The following LYAR variants were observed in gnomAD, a reference collection of about 807,000 sequenced individuals.
The protein encoded by LYAR is Ly1 antibody reactive.
Under a neutral mutation model 45.2 loss-of-function variants are expected in LYAR, and 37 were observed. The observed-to-expected ratio is 0.82, with a 90% CI of 0.63 to 1.08. The LOEUF (loss-of-function observed/expected upper bound fraction) is 1.08, where lower values mean the gene tolerates loss of function less well. Ranked by LOEUF, LYAR falls within the 50% of genes least tolerant of loss-of-function variation. The probability of loss-of-function intolerance (pLI) is 0.00; values close to 1 mark genes in which losing one functional copy is unlikely to be tolerated. For missense variants in LYAR, 493 were observed against 451.0 expected (o/e 1.09, Z -0.84); for synonymous variants, 176 against 155.1 (o/e 1.14, Z -1.00).
chr4:4,282,620 A>C (rs1719445007), intron 3 of LYAR, among the ~76,000 whole-genome samples: 1 of 152,258 alleles, frequency 6.6e-6, no homozygotes. Flanking sequence ...AGATGCAGCC[A>C]GAAGCCAGCT....
intron 6 of LYAR, among the ~76,000 whole-genome samples, chr4:4,276,473 G>A (rs962815750): frequency 2.0e-5 from 3 of 151,946 alleles, no homozygotes; most frequent in African/African-American, 7.3e-5. Context: ...AACCCGGAAG[G>A]TGGAGGTTGC....
intron 3 of LYAR, among the ~76,000 whole-genome samples, chr4:4,282,937 C>T (rs1191605923): frequency 1.3e-5 from 2 of 152,156 alleles, no homozygotes; most frequent in African/African-American, 4.8e-5. Context: ...GTCCATCTCT[C>T]CACTGTGATG....
At chr4:4,283,592 T>C (rs756465856) in intron 3 of LYAR, 29 bp downstream of exon 3, 2 of 1,597,800 alleles carry the variant, frequency 1.3e-6, no homozygotes, top group South Asian at 1.1e-5. Context: ...GGATTTACTA[T>C]GGATCTACAT....
chr4:4,273,895 A>T (rs1342366687), intron 7 of LYAR, among the ~76,000 whole-genome samples: 2 of 152,178 alleles, frequency 1.3e-5, no homozygotes, highest in African/African-American at 4.8e-5. Context: ...GGCAGGGCCC[A>T]CCTCTGCCTG....
chr4:4,268,248 C>T (rs1577208350), intron 9 of LYAR, among the ~76,000 whole-genome samples: 2 of 152,098 alleles, frequency 1.3e-5, no homozygotes, highest in Non-Finnish European at 2.9e-5. Flanking sequence ...GAAGAAACCA[C>T]TGCTCTGGGA....
At chr4:4,270,263 A>G (rs972411290) in intron 8 of LYAR, among the ~76,000 whole-genome samples, 1 of 40,052 alleles carries the variant, frequency 2.5e-5, no homozygotes, top group Non-Finnish European at 4.6e-5. Context: ...TAAAATGTTG[A>G]TTTGTAAAAA....
intron 8 of LYAR, among the ~76,000 whole-genome samples, chr4:4,271,190 A>G: frequency 6.6e-6 from 1 of 151,982 alleles, no homozygotes. Flanking sequence ...TCTGGTAACC[A>G]TCCTTTTACT....
rs747406735 is a variant in LYAR at position 4,267,933 on chromosome 4, G to C, written c.1096C>G (p.Pro366Ala). 6.2e-7 allele frequency: 1 copy of C among 1,612,936 alleles called. No homozygotes were observed. Among genetic ancestry groups the C allele is most frequent in the Non-Finnish European group, 8.5e-7 (1 of 1,179,546 alleles). ...TTGTCCTTTAATAACTTAAAGGTAG[G>C]GTTCTTGCTGATTTTCTTGTTAAAG... Reference protein sequence around the residue: ...VIFNKKISKNPTFKLLKDKVK... With the variant: ...VIFNKKISKNATFKLLKDKVK... The change falls in exon 10 of 10, where the codon CCT becomes GCT. Residue 366 changes from proline to alanine, a missense_variant. Physicochemically the swap from Pro to Ala is conservative, Grantham distance 27. Coordinates refer to ENST00000343470, the MANE Select transcript of LYAR (RefSeq NM_017816.3).
chr4:4,277,551 A>G (rs1719233211), intron 6 of LYAR, among the ~76,000 whole-genome samples: 1 of 152,114 alleles, frequency 6.6e-6, no homozygotes, highest in Admixed American at 6.5e-5. Context: ...TTTTTACCTC[A>G]TTACACACTC....
At chr4:4,279,316 A>T in intron 6 of LYAR, 131 bp downstream of exon 6, 1 of 652,270 alleles carries the variant, frequency 1.5e-6, no homozygotes. Flanking sequence ...TGGGCAACAG[A>T]GTAAGACTCC....
At chr4:4,277,694 C>G (rs1460107526) in intron 6 of LYAR, among the ~76,000 whole-genome samples, 2 of 152,194 alleles carry the variant, frequency 1.3e-5, no homozygotes, top group Admixed American at 6.5e-5. Context: ...TGGACCCGCA[C>G]GTGGTGCCTA....
intron 2 of LYAR, among the ~76,000 whole-genome samples, chr4:4,285,584 T>C (rs1719579245): frequency 6.6e-6 from 1 of 152,198 alleles, no homozygotes. Flanking sequence ...AAGAAATAGA[T>C]TGTCATCACA....
Position 4,290,149 on chromosome 4 carries a change from G to C in LYAR, c.-221C>G, listed in dbSNP as rs1003109179. 6.6e-6 allele frequency: 1 copy of C among 152,084 alleles called. No homozygotes were observed. The highest frequency in any genetic ancestry group is 1.5e-5 in the Non-Finnish European group (1 of 68,090). The allele number at this position is 152,084 out of a possible 1,614,324, so 9.4% of individuals were successfully genotyped here. A position where few individuals can be genotyped will look rare whatever the true frequency, so the allele number is the denominator to read the frequency against. On this transcript the variant is annotated 5_prime_UTR_variant, in exon 1 of 10. Coordinates refer to ENST00000343470, the MANE Select transcript of LYAR (RefSeq NM_017816.3). Reference sequence around the variant, plus strand: ...TCTCAGGCTTCGCGGTGCAGAATTCGCTTCTGAACCACCCAGCGCGCCTGC... The same window carrying C: ...TCTCAGGCTTCGCGGTGCAGAATTCCCTTCTGAACCACCCAGCGCGCCTGC...
Position 4,274,375 on chromosome 4 carries a change from T to C in LYAR, c.824A>G (p.His275Arg). The change falls in exon 7 of 10, where the codon CAC becomes CGC. Residue 275 changes from histidine to arginine, a missense_variant. Transcript: ENST00000343470. The part of the protein sequence containing the change: ...RVGAGKRKRR[H>R]SEVETDSKKK... ...GTGAGCTAGCCACTTACCTTCCGAG[T>C]GCCTCCGCTTCCTCTTCCCTGCGCC... 2 of 1,608,956 alleles carry C rather than the reference T, an allele frequency of 1.2e-6. No homozygotes were observed. Among genetic ancestry groups the C allele is most frequent in the South Asian group, 1.1e-5 (1 of 90,386 alleles).
rs1364355662 is a variant in LYAR at position 4,268,670 on chromosome 4, G to A, written c.920-55C>T. On this transcript the variant is annotated intron_variant, in intron 8 of 9. Coordinates refer to ENST00000343470, the MANE Select transcript of LYAR (RefSeq NM_017816.3). ...TTTCGTTTTGTTGTACTACGAGAAGGGTAAAGAAACAACTTCTGCAACACC... is the reference window on the plus strand; with the variant it reads ...TTTCGTTTTGTTGTACTACGAGAAGAGTAAAGAAACAACTTCTGCAACACC... The A allele has an allele frequency of 3.3e-6, 4 of 1,221,044 alleles. No homozygotes were observed. In the East Asian group the frequency reaches 7.3e-5, roughly 22 times the overall value. 75.6% of individuals were successfully genotyped at this position (1,221,044 alleles called of 1,614,324 possible). A position where few individuals can be genotyped will look rare whatever the true frequency, so the allele number is the denominator to read the frequency against.
intron 1 of LYAR, among the ~76,000 whole-genome samples, chr4:4,287,732 C>T (rs111399067): frequency 5.5e-4 from 84 of 152,242 alleles, no homozygotes; most frequent in African/African-American, 1.9e-3. Flanking sequence ...ATGTCCTAGC[C>T]GTTTGCTTGG....
At chr4:4,271,198 ACT>A (rs1477999074) in intron 8 of LYAR, among the ~76,000 whole-genome samples, 1 of 151,526 alleles carries the variant, frequency 6.6e-6, no homozygotes, top group Non-Finnish European at 1.5e-5. Context: ...CCATCCTTTT[ACT>A]CTCTATCTCC....
In LYAR at chr4:4,279,561, G is replaced by A. The variant is rs748552173; in HGVS notation, c.346-31C>T. The A allele has an allele frequency of 3.2e-6, 5 of 1,569,180 alleles. No homozygotes were observed. In the African/African-American group the frequency reaches 4.1e-5, roughly 13 times the overall value. The stretch of plus-strand genomic sequence containing the variant: ...AGAAAGAAAAAGAAAAAGAACTATT[G>A]ATCCCACTTGGACAGGTACACACAA... On this transcript the variant is annotated intron_variant, in intron 5 of 9. Coordinates refer to ENST00000343470, the MANE Select transcript of LYAR (RefSeq NM_017816.3).
intron 2 of LYAR, among the ~76,000 whole-genome samples, chr4:4,284,315 T>C (rs1321766983): frequency 6.6e-6 from 1 of 152,222 alleles, no homozygotes; most frequent in Non-Finnish European, 1.5e-5. Context: ...TCAAATATAC[T>C]AAGAACACAG....
Sources: allele counts gnomAD v4.1 joint callset (sites outside exome capture counted in the v4.1 genomes callset), GRCh38; gene constraint gnomAD v4.1.1; transcripts MANE v1.5; gene names NCBI Gene and HGNC (gene_info 2026-07-23, HGNC 2026-07-21).